The following NUP210 variants were observed in gnomAD, a reference collection of about 807,000 sequenced individuals.
The protein encoded by NUP210 is nucleoporin 210, also known as nuclear pore membrane glycoprotein 210.
A neutral mutation model predicts 196.0 loss-of-function variants in NUP210; 151 were observed. The ratio of observed to expected loss-of-function variants is 0.77; its 90% CI spans 0.67 to 0.88. The LOEUF is 0.88. Ranked by LOEUF, NUP210 falls within the 40% of genes least tolerant of loss-of-function variation. The pLI is 0.00. For missense variants in NUP210, 2,314 were observed against 2,493.7 expected (o/e 0.93, Z 1.53); for synonymous variants, 1,070 against 1,052.7 (o/e 1.02, Z -0.32).
At chr3:13,400,197 A>C (rs1699789042) in intron 1 of NUP210, among the ~76,000 whole-genome samples, 1 of 152,192 alleles carries the variant, frequency 6.6e-6, no homozygotes, top group South Asian at 2.1e-4. Flanking sequence ...GTTCAGTACC[A>C]GCAGGAAAGC....
chr3:13,351,139 T>C (rs970815567), intron 20 of NUP210, among the ~76,000 whole-genome samples: 19 of 152,120 alleles, frequency 1.2e-4, no homozygotes, highest in African/African-American at 4.3e-4. Flanking sequence ...CGCAAAAACA[T>C]AAAAACTTAA....
intron 1 of NUP210, among the ~76,000 whole-genome samples, chr3:13,404,461 A>G (rs1276217936): frequency 6.6e-6 from 1 of 152,242 alleles, no homozygotes; most frequent in East Asian, 1.9e-4. Context: ...GAATATGGGT[A>G]TTCATTACAT....
At chr3:13,409,996 A>G (rs1386889381) in intron 1 of NUP210, among the ~76,000 whole-genome samples, 2 of 149,754 alleles carry the variant, frequency 1.3e-5, no homozygotes, top group Non-Finnish European at 3.0e-5. Flanking sequence ...GCCACCTGTA[A>G]TTTTTAGCAC....
In NUP210 at chr3:13,322,299, C is replaced by T. The variant is rs1461973956; in HGVS notation, c.4809G>A (p.Leu1603=). 6.2e-7 allele frequency: 1 copy of T among 1,614,224 alleles called. No individual in the cohort carries two copies. The highest frequency in any genetic ancestry group is 8.5e-7 in the Non-Finnish European group (1 of 1,180,040). ...GGCAGCTGATGAGGGTCTCTGGGTG[C>T]AAGGCCTGGATGACTTCCCTCTGGG... ...TPTQREVIQA[L]HPETLISCQS... The change falls in exon 35 of 40, where the codon TTG becomes TTA. Residue 1603 remains leucine, a synonymous_variant. Transcript: ENST00000254508.
chr3:13,366,020 G>A lies in NUP210; in HGVS notation c.1858C>T (p.Leu620Phe), dbSNP rs1337056940. 55 of 1,614,222 alleles carry A rather than the reference G, an allele frequency of 3.4e-5. No individual in the cohort carries two copies. Among genetic ancestry groups the A allele is most frequent in the Non-Finnish European group, 4.6e-5 (54 of 1,180,016 alleles). The change falls in exon 14 of 40, where the codon CTT (leucine) becomes TTT (phenylalanine). Residue 620 changes from leucine to phenylalanine, a missense_variant. Leu to Phe is a conservative substitution (Grantham distance 22). Transcript: ENST00000254508. The part of the protein sequence containing the change: ...VKAEAQGSTT[L>F]LVSYRHGHVH... The stretch of plus-strand genomic sequence containing the variant: ...TGGCCGTGTCTGTAGCTCACAAGAA[G>A]CGTGGTAGAGCCCTGGGCCTCGGCC...
chr3:13,376,815 T>C (rs1395351028), intron 9 of NUP210, among the ~76,000 whole-genome samples: 1 of 152,112 alleles, frequency 6.6e-6, no homozygotes. Flanking sequence ...TTTGATAACA[T>C]GAGCAAAGCA....
At chr3:13,324,405 C>T (rs1696661441) in intron 33 of NUP210, among the ~76,000 whole-genome samples, 2 of 152,198 alleles carry the variant, frequency 1.3e-5, no homozygotes. Context: ...GCCGCACCCA[C>T]CCAGGTGTGC....
intron 3 of NUP210, among the ~76,000 whole-genome samples, chr3:13,393,402 A>G (rs937006824): frequency 6.6e-6 from 1 of 152,322 alleles, no homozygotes; most frequent in East Asian, 1.9e-4. Context: ...ACCACGTTCA[A>G]ATGTGGAAGA....
intron 1 of NUP210, among the ~76,000 whole-genome samples, chr3:13,403,602 G>A (rs1699911289): frequency 6.6e-6 from 1 of 152,208 alleles, no homozygotes. Context: ...CTGGCCTCCT[G>A]GTGGAGGGCC....
At chr3:13,408,778 ACT>A (rs1413249881) in intron 1 of NUP210, among the ~76,000 whole-genome samples, 12 of 136,502 alleles carry the variant, frequency 8.8e-5, no homozygotes, top group African/African-American at 3.4e-4. Context: ...ACAGGGAGAG[ACT>A]CTGTCTCAAA....
rs1698806103 is a variant in NUP210 at position 13,373,733 on chromosome 3, A to G, written c.1572T>C (p.His524=). 1.2e-6 allele frequency: 2 copies of G among 1,614,008 alleles called. No individual in the cohort carries two copies. The highest frequency in any genetic ancestry group is 2.2e-5 in the South Asian group (2 of 91,086). ...IQAHDVQNPL[H]FGEMKVYVIE... Reference sequence around the variant, plus strand: ...GAGATCTCACCTTCATCTCACCGAAATGGAGTGGGTTCTGCACATCATGTG... The same window carrying G: ...GAGATCTCACCTTCATCTCACCGAAGTGGAGTGGGTTCTGCACATCATGTG... Residue 524 remains histidine (H), a synonymous_variant, in exon 12 of 40, where the codon CAT becomes CAC. Coordinates refer to ENST00000254508, the MANE Select transcript of NUP210 (RefSeq NM_024923.4).
intron 14 of NUP210, among the ~76,000 whole-genome samples, chr3:13,362,184 A>G (rs936810279): frequency 6.6e-6 from 1 of 152,088 alleles, no homozygotes; most frequent in Non-Finnish European, 1.5e-5. Flanking sequence ...GAAAAACCTT[A>G]TAAGAAAAAT....
At chr3:13,387,971 G>A (rs934024551) in intron 5 of NUP210, among the ~76,000 whole-genome samples, 8 of 152,054 alleles carry the variant, frequency 5.3e-5, no homozygotes. Context: ...GCTTGGGAGT[G>A]TCCCTATACC....
intron 12 of NUP210, 119 bp from the exon 13 acceptor site, chr3:13,372,151 T>C: frequency 1.0e-6 from 1 of 959,638 alleles, no homozygotes; most frequent in South Asian, 1.8e-5. Context: ...GTGAGAAGCC[T>C]GTCACGGGCA....
Position 13,379,733 on chromosome 3 carries a change from G to A in NUP210, c.818-12C>T, listed in dbSNP as rs1559337482. 2 of 1,551,570 alleles carry A rather than the reference G, an allele frequency of 1.3e-6. No individual in the cohort carries two copies. The highest frequency in any genetic ancestry group is 1.4e-5 in the African/African-American group (1 of 71,940). On this transcript the variant is annotated splice_polypyrimidine_tract_variant and intron_variant, in intron 6 of 39. Transcript: ENST00000254508. This position sits in a 1 kb window ranked among gnomAD's most constrained non-coding sequence, Gnocchi z 4.2. ...AGGCATGGAGAGTTCTGGCCACCAA[G>A]AAACAAAAAATAACAGGGAAAGAGA...
Position 13,386,290 on chromosome 3 carries a change from G to A in NUP210, c.802C>T (p.Gln268Ter), listed in dbSNP as rs1699271113. 1 of 1,613,564 alleles carries A rather than the reference G, an allele frequency of 6.2e-7. No individual in the cohort carries two copies. Among genetic ancestry groups the A allele is most frequent in the Non-Finnish European group, 8.5e-7 (1 of 1,179,746 alleles). Residue 268 changes from glutamine (Q) to a stop codon, truncating the protein, a stop_gained, in exon 6 of 40, where the codon CAA (glutamine) becomes TAA (stop). Transcript: ENST00000254508. LOFTEE classifies it high-confidence loss of function. ...AATGACACACCTGTAATTTTCCCTT[G>A]CCTGATCTTCTGCACCTTGTAGTGA... ...SIHYKVQKIR[Q>*]GKITELSMPS... is the part of the protein sequence containing the mutation.
At chr3:13,346,856 G>C (rs1261617214) in intron 20 of NUP210, among the ~76,000 whole-genome samples, 1 of 152,230 alleles carries the variant, frequency 6.6e-6, no homozygotes, top group Non-Finnish European at 1.5e-5. Flanking sequence ...CTCAAGGCAA[G>C]CAGGGAAGGA....
intron 1 of NUP210, among the ~76,000 whole-genome samples, chr3:13,406,907 A>C (rs1217144631): frequency 2.5e-5 from 3 of 122,154 alleles, no homozygotes; most frequent in Non-Finnish European, 4.7e-5. Context: ...TGGCTTTCCC[A>C]GGGACCCCTC....
rs1196006354 is a variant in NUP210 at position 13,351,940 on chromosome 3, A to C, written c.2774T>G (p.Leu925Arg). The part of the protein sequence containing the change: ...RIREGSGYFF[L>R]NTSTADVVKV... Reference sequence around the variant, plus strand: ...GACAACATCTGCGGTGCTGGTGTTGAGGAAGAAGTAACCTGAGCCTTCCCT... The same window carrying C: ...GACAACATCTGCGGTGCTGGTGTTGCGGAAGAAGTAACCTGAGCCTTCCCT... Residue 925 changes from leucine (L) to arginine (R), a missense_variant, in exon 20 of 40, where the codon CTC becomes CGC. Leu to Arg is a moderately radical substitution (Grantham distance 102, BLOSUM62 -2). Coordinates refer to ENST00000254508, the MANE Select transcript of NUP210 (RefSeq NM_024923.4). 1 of 1,613,398 alleles carries C rather than the reference A, an allele frequency of 6.2e-7. No homozygotes were observed. The highest frequency in any genetic ancestry group is 8.5e-7 in the Non-Finnish European group (1 of 1,179,480).
Sources: gnomAD v4.1 joint callset for allele counts (sites outside exome capture counted in the v4.1 genomes callset) on GRCh38, gnomAD v4.1.1 for gene constraint, Gnocchi (gnomAD v3.1) non-coding constraint, MANE v1.5 for transcripts, NCBI Gene and HGNC (gene_info 2026-07-23, HGNC 2026-07-21) for gene names.